Variants in KANSL1 observed in about 807,000 individuals in gnomAD.
KANSL1 encodes the protein KAT8 regulatory NSL complex subunit 1.
KANSL1 carries 22 observed loss-of-function variants against 103.6 expected under a neutral mutation model. The observed-to-expected ratio is 0.21, with a 90% confidence interval of 0.15 to 0.30. The LOEUF (loss-of-function observed/expected upper bound fraction) is 0.30. KANSL1 is among the 10% of genes least tolerant of loss of function. The pLI is 1.00. For missense variants in KANSL1, 1,337 were observed against 1,399.8 expected, an observed-to-expected ratio of 0.96 and a Z score of 0.72; for synonymous variants, 600 against 527.6, an observed-to-expected ratio of 1.14 and a Z score of -1.88.
chr17:46,152,993 G>A lies in KANSL1; in HGVS notation c.1289+17862C>T, dbSNP rs141456099. ...TGCTGACACAGAAGCACCAGGTCAT[G>A]AGCACATCTGACATAAAACATTACA... On this transcript the variant is annotated intron_variant, in intron 2 of 14. Coordinates refer to ENST00000432791, the MANE Select transcript of KANSL1 (RefSeq NM_015443.4). 255 of 152,316 alleles carry A rather than the reference G, an allele frequency of 1.7e-3. 1 individual carries two copies. The highest frequency in any genetic ancestry group is 6.0e-3 in the African/African-American group (250 of 41,562). The allele number at this position is 152,316 out of a possible 1,614,324, so 9.4% of individuals were successfully genotyped here. A position where few individuals can be genotyped will look rare whatever the true frequency, so the allele number is the denominator to read the frequency against.
chr17:46,067,633 C>A lies in KANSL1; in HGVS notation c.1568G>T (p.Gly523Val). 3.1e-6 allele frequency: 5 copies of A among 1,600,676 alleles called. No homozygotes were observed. The highest frequency in any genetic ancestry group is 4.3e-6 in the Non-Finnish European group (5 of 1,167,932). Residue 523 changes from glycine to valine, a missense_variant, in exon 5 of 15, where the codon GGT becomes GTT. Around this residue, in one of 2 missense-constraint regions of KANSL1, gnomAD observed 780 missense variants for 923.4 expected, o/e 0.84. Transcript: ENST00000432791. ...ESVSQPLENH[G>V]APIIGHISES... is the part of the protein sequence containing the mutation. ...TGAAATATGACCAATAATAGGGGCA[C>A]CATGGTTTTCCAATGGCTGAGAAAC...
intron 1 of KANSL1, among the ~76,000 whole-genome samples, chr17:46,187,307 C>T (rs2047079557): frequency 6.6e-6 from 1 of 152,218 alleles, no homozygotes; most frequent in Non-Finnish European, 1.5e-5. Context: ...AAGCTCTCCC[C>T]TTTTTAAAAA....
At chr17:46,078,063 T>TTAGGA (rs2078851699) in intron 4 of KANSL1, among the ~76,000 whole-genome samples, 1 of 152,240 alleles carries the variant, frequency 6.6e-6, no homozygotes, top group Non-Finnish European at 1.5e-5. Context: ...TAGCTTTTCC[T>TTAGGA]AAAGAGTGTT....
intron 6 of KANSL1, among the ~76,000 whole-genome samples, chr17:46,059,647 A>AAAAAGAGAG (rs541946204): frequency 3.6e-5 from 2 of 54,872 alleles, no homozygotes; most frequent in Admixed American, 5.1e-4. Flanking sequence ...AAAAAAAAAA[A>AAAAAGAGAG]AGAGAGAGAG....
intron 4 of KANSL1, among the ~76,000 whole-genome samples, chr17:46,069,627 C>T (rs1209014614): frequency 6.6e-6 from 1 of 151,772 alleles, no homozygotes; most frequent in Admixed American, 6.6e-5. Flanking sequence ...GTCTGTAATC[C>T]CAGCTCCTCC....
intron 2 of KANSL1, among the ~76,000 whole-genome samples, chr17:46,138,538 C>G (rs1008383277): frequency 2.6e-5 from 4 of 152,180 alleles, no homozygotes; most frequent in Non-Finnish European, 5.9e-5. Context: ...CACGGAAGTT[C>G]GTGGAACAAG....
At chr17:46,059,647 A>AAGAGAGAGAG (rs56065215) in intron 6 of KANSL1, among the ~76,000 whole-genome samples, 11,465 of 54,738 alleles carry the variant, frequency 0.21, 1,767 homozygotes, top group East Asian at 0.5. Context: ...AAAAAAAAAA[A>AAGAGAGAGAG]AGAGAGAGAG....
intron 1 of KANSL1, among the ~76,000 whole-genome samples, chr17:46,216,665 CTAAA>C (rs1279868625): frequency 6.6e-6 from 1 of 151,670 alleles, no homozygotes; most frequent in Admixed American, 6.6e-5. Flanking sequence ...ACATGAGAAG[CTAAA>C]TAAATAATCT....
chr17:46,063,910 T>C (rs2078270740), intron 6 of KANSL1, among the ~76,000 whole-genome samples: 1 of 142,510 alleles, frequency 7.0e-6, no homozygotes, highest in Non-Finnish European at 1.6e-5. Flanking sequence ...TTTTTTTTTT[T>C]TTAAAATGTA....
chr17:46,191,355 A>C (rs2047312786), intron 1 of KANSL1, among the ~76,000 whole-genome samples: 1 of 152,250 alleles, frequency 6.6e-6, no homozygotes, highest in African/African-American at 2.4e-5. Flanking sequence ...TAGACAATTG[A>C]AATTTTCTAA....
intron 3 of KANSL1, chr17:46,092,727 G>A (rs2079452922): frequency 9.5e-6 from 1 of 105,414 alleles, no homozygotes; most frequent in African/African-American, 3.6e-5. Context: ...GGGGGGGGGG[G>A]GGAGGGTGGG....
chr17:46,034,948 T>C (rs1374262261), intron 10 of KANSL1: 1 of 152,258 alleles, frequency 6.6e-6, no homozygotes, highest in African/African-American at 2.4e-5. Flanking sequence ...AACCTGACTA[T>C]ACCTCACATT....
chr17:46,171,082 C>A lies in KANSL1; in HGVS notation c.1062G>T (p.Leu354Phe). 6.2e-7 allele frequency: 1 copy of A among 1,614,198 alleles called. No individual in the cohort carries two copies. Among genetic ancestry groups the A allele is most frequent in the Non-Finnish European group, 8.5e-7 (1 of 1,180,052 alleles). The part of the protein sequence containing the change: ...LMLTRKAEAA[L>F]RKAASETTTS... Reference sequence around the variant, plus strand: ...TGGTGGTCTCACTGGCAGCTTTTCTCAAGGCAGCTTCAGCCTTTCGAGTCA... The same window carrying A: ...TGGTGGTCTCACTGGCAGCTTTTCTAAAGGCAGCTTCAGCCTTTCGAGTCA... The change falls in exon 2 of 15, where the codon TTG becomes TTT. Residue 354 changes from leucine (L) to phenylalanine (F), a missense_variant. Around this residue, in one of 2 missense-constraint regions of KANSL1, gnomAD observed 557 missense variants for 476.4 expected, o/e 1.17. Transcript: ENST00000432791.
chr17:46,219,007 T>A (rs1334835785), intron 1 of KANSL1, among the ~76,000 whole-genome samples: 1 of 151,988 alleles, frequency 6.6e-6, no homozygotes. Context: ...ATGCCTGTAA[T>A]CCCAGCACTT....
chr17:46,207,972 G>A (rs527343678), intron 1 of KANSL1, among the ~76,000 whole-genome samples: 3 of 152,266 alleles, frequency 2.0e-5, no homozygotes, highest in Non-Finnish European at 2.9e-5. Context: ...TTAGCCAGGT[G>A]TGATGGTAGG....
intron 1 of KANSL1, among the ~76,000 whole-genome samples, chr17:46,190,479 A>G (rs1263687724): frequency 1.3e-5 from 2 of 152,262 alleles, no homozygotes; most frequent in Non-Finnish European, 1.5e-5. Context: ...GAAAACTTCT[A>G]AAATACTTCA....
At chr17:46,150,391 A>C (rs1311704549) in intron 2 of KANSL1, among the ~76,000 whole-genome samples, 1 of 152,076 alleles carries the variant, frequency 6.6e-6, no homozygotes. Context: ...TATGGCACTT[A>C]ATCTGTATCT....
intron 3 of KANSL1, among the ~76,000 whole-genome samples, chr17:46,084,697 T>TAAAAAAAAAAA (rs67108405): frequency 1.9e-4 from 14 of 74,504 alleles, no homozygotes; most frequent in African/African-American, 5.1e-4. Flanking sequence ...TTTTAAAAAT[T>TAAAAAAAAAAA]AAAAAAAAAA....
At chr17:46,124,757 G>A (rs1006144348) in intron 2 of KANSL1, among the ~76,000 whole-genome samples, 2 of 151,946 alleles carry the variant, frequency 1.3e-5, no homozygotes, top group South Asian at 2.1e-4. Context: ...GACATTGCTC[G>A]AAAAAGTAAC....
Sources: gnomAD v4.1 joint callset for allele counts (sites outside exome capture counted in the v4.1 genomes callset) on GRCh38, gnomAD v4.1.1 for gene constraint, gnomAD v4.1.1 regional missense constraint, MANE v1.5 for transcripts, NCBI Gene and HGNC (gene_info 2026-07-23, HGNC 2026-07-21) for gene names.